Variants in FGF12 observed in about 807,000 individuals in gnomAD.
FGF12 encodes the protein fibroblast growth factor 12B.
A neutral mutation model predicts 23.6 loss-of-function variants in FGF12; 14 were observed. That is an observed-to-expected ratio of 0.59 (90% confidence interval 0.39 to 0.93). The LOEUF (loss-of-function observed/expected upper bound fraction) is 0.93, where lower values mean the gene tolerates loss of function less well. Ranked by LOEUF, FGF12 falls within the 40% of genes least tolerant of loss-of-function variation. FGF12 has a pLI of 0.00. For missense variants in FGF12, 175 were observed against 217.8 expected (o/e 0.80, Z 1.24); for synonymous variants, 62 against 77.3 (o/e 0.80, Z 1.04).
intron 4 of FGF12, among the ~76,000 whole-genome samples, chr3:192,225,883 G>T (rs77208816): frequency 6.6e-6 from 1 of 152,130 alleles, no homozygotes; most frequent in South Asian, 2.1e-4. Flanking sequence ...TTCTACTTAC[G>T]TGAAATGTGC....
intron 2 of FGF12, among the ~76,000 whole-genome samples, chr3:192,620,347 A>T (rs1190019335): frequency 6.6e-6 from 1 of 151,818 alleles, no homozygotes; most frequent in Non-Finnish European, 1.5e-5. Flanking sequence ...TTTTATAAGC[A>T]CTCCTTACAG....
intron 2 of FGF12, among the ~76,000 whole-genome samples, chr3:192,524,745 T>C (rs1363087320): frequency 6.6e-6 from 1 of 152,234 alleles, no homozygotes; most frequent in Non-Finnish European, 1.5e-5. Context: ...CCTTTGTGCA[T>C]TATTTTTCTA....
chr3:192,687,738 C>T (rs751193855), intron 2 of FGF12, among the ~76,000 whole-genome samples: 20 of 152,052 alleles, frequency 1.3e-4, no homozygotes, highest in South Asian at 2.1e-4. Flanking sequence ...CCAGAACTGG[C>T]CCTTGCAGCT....
At chr3:192,268,422 C>T (rs571647242) in intron 4 of FGF12, among the ~76,000 whole-genome samples, 22 of 152,200 alleles carry the variant, frequency 1.4e-4, no homozygotes, top group African/African-American at 5.1e-4. Context: ...TGGATGATAT[C>T]GTTTGGATAT....
intron 4 of FGF12, among the ~76,000 whole-genome samples, chr3:192,185,000 A>G (rs930890125): frequency 6.6e-6 from 1 of 152,096 alleles, no homozygotes; most frequent in African/African-American, 2.4e-5. Flanking sequence ...TAGTTATTTC[A>G]TTTGTTGTTA....
chr3:192,250,786 G>GT (rs1314511148), intron 4 of FGF12, among the ~76,000 whole-genome samples: 3 of 151,878 alleles, frequency 2.0e-5, no homozygotes, highest in African/African-American at 7.2e-5. Flanking sequence ...CTATTTTGAA[G>GT]GTTTTTTTTT....
At chr3:192,689,119 TAGGTAC>T (rs1444805572) in intron 2 of FGF12, among the ~76,000 whole-genome samples, 2 of 152,124 alleles carry the variant, frequency 1.3e-5, no homozygotes, top group African/African-American at 4.8e-5. Context: ...GGTTGGTTAA[TAGGTAC>T]AAACACATAG....
intron 2 of FGF12, among the ~76,000 whole-genome samples, chr3:192,366,142 C>T (rs1449567193): frequency 1.3e-5 from 2 of 151,902 alleles, no homozygotes; most frequent in Non-Finnish European, 2.9e-5. Flanking sequence ...AAAATCCTTA[C>T]CTTACCAAAA....
chr3:192,171,965 C>T (rs929523070), intron 4 of FGF12, among the ~76,000 whole-genome samples: 5 of 150,646 alleles, frequency 3.3e-5, no homozygotes, highest in African/African-American at 1.2e-4. Context: ...AGGCTGGCCT[C>T]AAACTCCCGG....
At chr3:192,377,738 C>T (rs886424648) in intron 2 of FGF12, among the ~76,000 whole-genome samples, 1 of 152,166 alleles carries the variant, frequency 6.6e-6, no homozygotes, top group Non-Finnish European at 1.5e-5. Flanking sequence ...CAGGGCCAGA[C>T]ACTATGCAAG....
intron 2 of FGF12, among the ~76,000 whole-genome samples, chr3:192,613,321 A>G (rs1714620700): frequency 6.6e-6 from 1 of 151,830 alleles, no homozygotes; most frequent in South Asian, 2.1e-4. Flanking sequence ...AATTGCTTTT[A>G]TGATAGAGGA....
chr3:192,415,894 T>C (rs1451749556), intron 2 of FGF12, among the ~76,000 whole-genome samples: 1 of 152,004 alleles, frequency 6.6e-6, no homozygotes, highest in East Asian at 1.9e-4. Context: ...TTAAAATGGT[T>C]TAATAATCTT....
intron 2 of FGF12, among the ~76,000 whole-genome samples, chr3:192,445,927 C>T (rs1267846992): frequency 3.3e-5 from 5 of 152,176 alleles, no homozygotes; most frequent in Non-Finnish European, 7.3e-5. Context: ...AATCATTTTG[C>T]AACTGCTTGG....
chr3:192,308,762 C>T (rs549589786), intron 4 of FGF12, among the ~76,000 whole-genome samples: 17 of 151,886 alleles, frequency 1.1e-4, no homozygotes, highest in Non-Finnish European at 1.9e-4. Flanking sequence ...AACCACTGAC[C>T]TACAGCAATC....
intron 4 of FGF12, among the ~76,000 whole-genome samples, chr3:192,197,882 G>A (rs1680688688): frequency 6.7e-6 from 1 of 148,578 alleles, no homozygotes; most frequent in Non-Finnish European, 1.5e-5. Flanking sequence ...GGGGACGGAG[G>A]TTGCAGTGAG....
At chr3:192,410,930 G>A (rs1275125865) in intron 2 of FGF12, among the ~76,000 whole-genome samples, 1 of 152,198 alleles carries the variant, frequency 6.6e-6, no homozygotes, top group Admixed American at 6.5e-5. Flanking sequence ...TAAAGTCTGG[G>A]AGCGGCTATT....
intron 4 of FGF12, among the ~76,000 whole-genome samples, chr3:192,332,716 A>G (rs1717187206): frequency 6.6e-6 from 1 of 152,076 alleles, no homozygotes. Context: ...CTGCTTGTGA[A>G]TCTTTTGGGT....
At chr3:192,164,077 C>T (rs1225710070) in intron 5 of FGF12, among the ~76,000 whole-genome samples, 2 of 151,912 alleles carry the variant, frequency 1.3e-5, no homozygotes, top group African/African-American at 2.4e-5. Flanking sequence ...TACTCAGCCA[C>T]CTGCAGTAGC....
intron 2 of FGF12, among the ~76,000 whole-genome samples, chr3:192,420,252 G>C (rs990850143): frequency 5.9e-5 from 9 of 152,262 alleles, no homozygotes; most frequent in South Asian, 4.1e-4. Context: ...CCTCACATCA[G>C]GCCTTCTGCA....
Sources: gnomAD v4.1 joint callset for allele counts (sites outside exome capture counted in the v4.1 genomes callset) on GRCh38, gnomAD v4.1.1 for gene constraint, MANE v1.5 for transcripts, NCBI Gene and HGNC (gene_info 2026-07-23, HGNC 2026-07-21) for gene names.